The following COPB1 variants were observed in gnomAD, a reference collection of about 807,000 sequenced individuals.
COPB1 encodes the protein coatomer subunit beta.
A neutral mutation model predicts 108.7 loss-of-function variants in COPB1; 21 were observed. The observed-to-expected ratio is 0.19, with a 90% CI of 0.14 to 0.28. The LOEUF (loss-of-function observed/expected upper bound fraction) is 0.28, where lower values mean the gene tolerates loss of function less well. COPB1 is among the 10% of genes least tolerant of loss of function. COPB1 has a pLI of 1.00. For missense variants in COPB1, 919 were observed against 1,141.3 expected (o/e 0.81, Z 2.81); for synonymous variants, 378 against 386.8 (o/e 0.98, Z 0.27).
intron 5 of COPB1, 70 bp from the exon 6 acceptor site, chr11:14,488,654 A>T: frequency 1.1e-6 from 1 of 904,088 alleles, no homozygotes; most frequent in Non-Finnish European, 1.7e-6. Context: ...CATCTTAAAA[A>T]ATACACACAT....
At chr11:14,478,677 C>T (rs958949841) in intron 11 of COPB1, among the ~76,000 whole-genome samples, 4 of 151,628 alleles carry the variant, frequency 2.6e-5, no homozygotes, top group African/African-American at 9.7e-5. Context: ...GTCTCCAACT[C>T]CTGACATCCA....
chr11:14,478,772 TG>T (rs1205889740), intron 11 of COPB1: 1 of 151,960 alleles, frequency 6.6e-6, no homozygotes, highest in Non-Finnish European at 1.5e-5. Flanking sequence ...TAGTTTAAAA[TG>T]TTAAACTGAA....
At chr11:14,491,564 G>A (rs751212655) in intron 4 of COPB1, among the ~76,000 whole-genome samples, 6 of 152,070 alleles carry the variant, frequency 3.9e-5, no homozygotes, top group Non-Finnish European at 7.4e-5. Flanking sequence ...AGCTACTTGG[G>A]AGGCTGAGGC....
rs934094342 is a variant in COPB1 at position 14,476,027 on chromosome 11, A to T, written c.1456-82T>A. 9 of 1,267,400 alleles carry T rather than the reference A, an allele frequency of 7.1e-6. No individual in the cohort carries two copies. The African/African-American group carries it at 1.2e-4, about 17-fold the overall frequency. 78.5% of individuals were successfully genotyped at this position (1,267,400 alleles called of 1,614,324 possible). ...TCTTTAAATATTTGATTGTTTCTCT[A>T]AAAAAGGCATTACCCTAATGGGATT... On this transcript the variant is annotated intron_variant, in intron 12 of 21. Transcript: ENST00000439561.
At chr11:14,473,272 C>T (rs1476872009) in intron 14 of COPB1, among the ~76,000 whole-genome samples, 1 of 152,122 alleles carries the variant, frequency 6.6e-6, no homozygotes, top group African/African-American at 2.4e-5. Flanking sequence ...CCAAATGTTT[C>T]ACTTTCTTAT....
In COPB1 at chr11:14,498,846, T is replaced by A; in HGVS notation, c.83A>T (p.Asn28Ile). 1 of 1,598,692 alleles carries A rather than the reference T, an allele frequency of 6.3e-7. No individual in the cohort carries two copies. Among genetic ancestry groups the A allele is most frequent in the Non-Finnish European group, 8.5e-7 (1 of 1,174,630 alleles). The change falls in exon 2 of 22, where the codon AAT (asparagine) becomes ATT (isoleucine). Residue 28 changes from asparagine to isoleucine, a missense_variant. Asn to Ile is a moderately radical substitution (Grantham distance 149). Transcript: ENST00000439561. ...ATAATATCGAAGTTTACCTAGATCA[T>A]TTTTTAAGCTAATTTCAGATGGTGG... The part of the protein sequence containing the change: ...SEPPSEISLK[N>I]DLEKGDVKSK...
intron 14 of COPB1, among the ~76,000 whole-genome samples, chr11:14,470,944 A>ACACTCTCTCT (rs1285522756): frequency 7.8e-5 from 7 of 90,154 alleles, no homozygotes; most frequent in African/African-American, 3.7e-4. Context: ...ACACACACAC[A>ACACTCTCTCT]CTCTCTCTCT....
intron 1 of COPB1, among the ~76,000 whole-genome samples, chr11:14,499,322 T>A (rs993065097): frequency 6.6e-6 from 1 of 152,166 alleles, no homozygotes. Flanking sequence ...AGAGACCTTG[T>A]GCCTGAATAC....
intron 4 of COPB1, among the ~76,000 whole-genome samples, chr11:14,493,087 T>C (rs1231909041): frequency 6.6e-6 from 1 of 152,054 alleles, no homozygotes; most frequent in African/African-American, 2.4e-5. Flanking sequence ...TGGAGGTTGT[T>C]GTGAGCCGAG....
chr11:14,479,220 T>C (rs1850603492), intron 11 of COPB1, among the ~76,000 whole-genome samples: 1 of 152,154 alleles, frequency 6.6e-6, no homozygotes, highest in African/African-American at 2.4e-5. Context: ...CAGATTTAGG[T>C]TGCATTTTCA....
intron 15 of COPB1, 125 bp from the exon 16 acceptor site, chr11:14,468,985 A>C: frequency 1.2e-6 from 1 of 819,442 alleles, no homozygotes; most frequent in South Asian, 1.7e-5. Flanking sequence ...AAACCCACAA[A>C]GCACTTTTCT....
At chr11:14,498,719 C>G in intron 2 of COPB1, 119 bp downstream of exon 2, 1 of 739,978 alleles carries the variant, frequency 1.4e-6, no homozygotes, top group African/African-American at 1.8e-5. Flanking sequence ...TCGAAGAGAT[C>G]CTAGAAAAAC....
At chr11:14,474,656 A>G in intron 13 of COPB1, 41 bp from the exon 14 acceptor site, 2 of 1,608,970 alleles carry the variant, frequency 1.2e-6, no homozygotes, top group Middle Eastern at 1.7e-4. Context: ...CCAACTTGCT[A>G]AGCAGCATGC....
chr11:14,472,599 T>C (rs1454971778), intron 14 of COPB1, among the ~76,000 whole-genome samples: 1 of 152,234 alleles, frequency 6.6e-6, no homozygotes, highest in Non-Finnish European at 1.5e-5. Flanking sequence ...AAGTCCTAGA[T>C]GGCATCTTCT....
chr11:14,498,625 C>A (rs1851080033), intron 2 of COPB1, among the ~76,000 whole-genome samples: 2 of 152,106 alleles, frequency 1.3e-5, no homozygotes, highest in African/African-American at 2.4e-5. Flanking sequence ...ATTACAATTT[C>A]TTTAGGTTTA....
In COPB1 at chr11:14,468,199, G is replaced by C. The variant is rs548982400; in HGVS notation, c.2145+482C>G. Among the ~76,000 whole-genome samples the C allele has an allele frequency of 1.2e-4, 18 of 152,268 alleles. No homozygotes were observed. In the South Asian group the frequency reaches 3.7e-3, roughly 32 times the overall value. ...AAAGTAATGTAAGACTGTTCATTCA[G>C]TCTAATAGATGAGGGATCACTGATT... On this transcript the variant is annotated intron_variant, in intron 16 of 21. Transcript: ENST00000439561.
At chr11:14,457,955 A>T (rs542580626) in intron 21 of COPB1, 72 bp from the exon 22 acceptor site, 3 of 896,900 alleles carry the variant, frequency 3.3e-6, no homozygotes, top group Non-Finnish European at 5.0e-6. Context: ...CATATTATTA[A>T]GCCCCAATTC....
Position 14,483,162 on chromosome 11 carries a change from A to G in COPB1, c.838-11T>C. 1 of 1,526,618 alleles carries G rather than the reference A, an allele frequency of 6.6e-7. No individual in the cohort carries two copies. The highest frequency in any genetic ancestry group is 8.9e-7 in the Non-Finnish European group (1 of 1,128,432). 94.6% of individuals were successfully genotyped at this position (1,526,618 alleles called of 1,614,324 possible). A position where few individuals can be genotyped will look rare whatever the true frequency, so the allele number is the denominator to read the frequency against. ...ACACTGAGCAGCAGCCTATATAAAA[A>G]AAGAAATACATTTTAAGAAGTTATT... On this transcript the variant is annotated splice_polypyrimidine_tract_variant and intron_variant, in intron 7 of 21. Coordinates refer to ENST00000439561, the MANE Select transcript of COPB1 (RefSeq NM_001144061.2).
intron 2 of COPB1, among the ~76,000 whole-genome samples, chr11:14,495,653 C>T (rs984315784): frequency 2.0e-5 from 3 of 152,190 alleles, no homozygotes; most frequent in African/African-American, 7.2e-5. Flanking sequence ...CATGAGCCAC[C>T]ATGCCCAGTC....
Sources: allele counts gnomAD v4.1 joint callset (sites outside exome capture counted in the v4.1 genomes callset), GRCh38; gene constraint gnomAD v4.1.1; transcripts MANE v1.5; gene names NCBI Gene and HGNC (gene_info 2026-07-23, HGNC 2026-07-21).